The following GRM4 variants were observed in gnomAD, a reference collection of about 807,000 sequenced individuals.
GRM4 encodes glutamate metabotropic receptor 4.
Under a neutral mutation model 81.7 loss-of-function variants are expected in GRM4, and 28 were observed. The ratio of observed to expected loss-of-function variants is 0.34; its 90% CI spans 0.25 to 0.47. GRM4 has a LOEUF of 0.47. Among genes scored for constraint, GRM4 ranks in the 20% least tolerant of loss-of-function variants. The pLI is 1.00. For missense variants in GRM4, 948 were observed against 1,290.0 expected (o/e 0.73, Z 4.06); for synonymous variants, 488 against 528.8 (o/e 0.92, Z 1.06).
At position 34,121,808 on chromosome 6, in the gene GRM4, A is replaced by G. The variant is rs1175851056; in HGVS notation, c.519+11170T>C. On this transcript the variant is annotated intron_variant, in intron 2 of 10. Coordinates refer to ENST00000538487, the MANE Select transcript of GRM4 (RefSeq NM_000841.4). This position sits in a 1 kb window ranked among gnomAD's most constrained non-coding sequence, Gnocchi z 4.6. ...CAGCCTTCTCCTCACACATGGGCCCACTTTACAACACCTCCTGTTTCCTGA... is the reference window on the plus strand; with the variant it reads ...CAGCCTTCTCCTCACACATGGGCCCGCTTTACAACACCTCCTGTTTCCTGA... Among the ~76,000 whole-genome samples the G allele has an allele frequency of 2.6e-5, 4 of 152,126 alleles. No individual in the cohort carries two copies. In the East Asian group the frequency reaches 5.8e-4, roughly 22 times the overall value.
chr6:34,040,156 C>T (rs1764927184), intron 8 of GRM4, 22 bp downstream of exon 8: 1 of 1,611,432 alleles, frequency 6.2e-7, no homozygotes, highest in African/African-American at 1.3e-5. Flanking sequence ...ACTCTCCACC[C>T]ACTCCCTGCC....
At chr6:34,079,580 T>C (rs1767479818) in intron 3 of GRM4, among the ~76,000 whole-genome samples, 1 of 152,172 alleles carries the variant, frequency 6.6e-6, no homozygotes. Context: ...ACTTCACAGA[T>C]GAGGCCCCAC....
In GRM4 at chr6:34,121,433, C is replaced by T. The variant is rs1347454971; in HGVS notation, c.519+11545G>A. ...AGGTTAATGCTGCCCATCCTCCCCTCGGCCACAACCCCAGGGACAGAGAAC... is the reference window on the plus strand; with the variant it reads ...AGGTTAATGCTGCCCATCCTCCCCTTGGCCACAACCCCAGGGACAGAGAAC... On this transcript the variant is annotated intron_variant, in intron 2 of 10. Coordinates refer to ENST00000538487, the MANE Select transcript of GRM4 (RefSeq NM_000841.4). This position sits in a 1 kb window ranked among gnomAD's most constrained non-coding sequence, Gnocchi z 4.6. Among the ~76,000 whole-genome samples the T allele has an allele frequency of 6.6e-6, 1 of 152,228 alleles. No homozygotes were observed. The highest frequency in any genetic ancestry group is 2.4e-5 in the African/African-American group (1 of 41,462).
At chr6:34,097,359 C>T (rs1333519143) in intron 2 of GRM4, among the ~76,000 whole-genome samples, 2 of 151,794 alleles carry the variant, frequency 1.3e-5, no homozygotes, top group Non-Finnish European at 2.9e-5. Flanking sequence ...TGTGTGTGAA[C>T]ATGTATGCAT....
chr6:34,055,572 T>C (rs945311533), intron 6 of GRM4: 21 of 152,170 alleles, frequency 1.4e-4, no homozygotes, highest in African/African-American at 4.3e-4. Context: ...TAACTCATCA[T>C]CCTCGATTAG....
At chr6:34,138,586 CG>C (rs1005529510) in intron 1 of GRM4, among the ~76,000 whole-genome samples, 1 of 152,196 alleles carries the variant, frequency 6.6e-6, no homozygotes, top group African/African-American at 2.4e-5. Context: ...GCTATCCATC[CG>C]GGCCCCCACT....
Position 34,092,629 on chromosome 6 carries a change from C to G in GRM4, c.520-530G>C, listed in dbSNP as rs1027142047. Among the ~76,000 whole-genome samples, 5 of 152,116 alleles carry G rather than the reference C, an allele frequency of 3.3e-5. No individual in the cohort carries two copies. The highest frequency in any genetic ancestry group is 6.5e-5 in the Admixed American group (1 of 15,286). ...CCTCGATTCCAGCTCCCCTGTCCCC[C>G]ACTCCAACCCCAAGGATGGAAGCCC... On this transcript the variant is annotated intron_variant, in intron 2 of 10. Coordinates refer to ENST00000538487, the MANE Select transcript of GRM4 (RefSeq NM_000841.4). This position sits in a 1 kb window ranked among gnomAD's most constrained non-coding sequence, Gnocchi z 6.8.
intron 3 of GRM4, among the ~76,000 whole-genome samples, chr6:34,073,452 G>C (rs536118553): frequency 1.3e-5 from 2 of 148,626 alleles, no homozygotes; most frequent in African/African-American, 5.0e-5. Context: ...ACCACACACA[G>C]AAACACATCC....
intron 4 of GRM4, chr6:34,061,097 A>C (rs1766156296): frequency 6.6e-6 from 1 of 152,266 alleles, no homozygotes; most frequent in Non-Finnish European, 1.5e-5. Context: ...TGGTCCAGTG[A>C]GGGGGAGTCT....
rs112246268 is a variant in GRM4 at position 34,069,770 on chromosome 6, GC to G, written c.737-7743del. ...TGGATTTACTGCAACATCCAGGACT[GC>G]CCCAGTCCCCACCAGGATCCACCCA... On this transcript the variant is annotated intron_variant, in intron 3 of 10. Transcript: ENST00000538487. The surrounding 1 kb of genome is among the most constrained non-coding windows in gnomAD (Gnocchi z 6.4). Among the ~76,000 whole-genome samples, 28 of 152,018 alleles carry G rather than the reference GC, an allele frequency of 1.8e-4. No homozygotes were observed. Among genetic ancestry groups the G allele is most frequent in the African/African-American group, 6.8e-4 (28 of 41,464 alleles).
At chr6:34,135,312 A>T (rs1393519188) in intron 1 of GRM4, among the ~76,000 whole-genome samples, 1 of 151,986 alleles carries the variant, frequency 6.6e-6, no homozygotes, top group Non-Finnish European at 1.5e-5. Context: ...AGCCTTCTAG[A>T]CCCTCATTTC....
rs1056091481 is a variant in GRM4, at chr6:34,042,516, G to A, written c.1169-1768C>T. 6.6e-6 allele frequency among the ~76,000 whole-genome samples: 1 copy of A among 152,158 alleles called. No individual in the cohort carries two copies. The highest frequency in any genetic ancestry group is 1.5e-5 in the Non-Finnish European group (1 of 68,016). On this transcript the variant is annotated intron_variant, in intron 6 of 10. Coordinates refer to ENST00000538487, the MANE Select transcript of GRM4 (RefSeq NM_000841.4). The surrounding 1 kb of genome is among the most constrained non-coding windows in gnomAD (Gnocchi z 4.2). ...CCTGGATTCCCCTCCTAAGACCACA[G>A]CCCTTGCATACAGCATGGCCTTCTT...
intron 2 of GRM4, among the ~76,000 whole-genome samples, chr6:34,122,670 G>A (rs941872978): frequency 2.0e-4 from 31 of 152,164 alleles, no homozygotes; most frequent in African/African-American, 6.0e-4. Flanking sequence ...CCCCTGCTGC[G>A]GGCACCATCC....
intron 1 of GRM4, among the ~76,000 whole-genome samples, chr6:34,151,656 G>C (rs1771048615): frequency 6.6e-6 from 1 of 152,094 alleles, no homozygotes. Flanking sequence ...TGCCCTGGGA[G>C]GCCAGTGTCC....
intron 2 of GRM4, among the ~76,000 whole-genome samples, chr6:34,119,853 T>A (rs1769735476): frequency 1.3e-5 from 2 of 152,124 alleles, no homozygotes; most frequent in Admixed American, 1.3e-4. Context: ...GGGGGCAGAA[T>A]GCGGGAGCCA....
intron 3 of GRM4, among the ~76,000 whole-genome samples, chr6:34,076,479 A>C (rs1290568591): frequency 6.6e-6 from 1 of 152,172 alleles, no homozygotes; most frequent in Admixed American, 6.5e-5. Flanking sequence ...CCAGCACTGG[A>C]TATAACCAGA....
At chr6:34,084,419 C>T (rs2127480864) in intron 3 of GRM4, among the ~76,000 whole-genome samples, 1 of 152,220 alleles carries the variant, frequency 6.6e-6, no homozygotes, top group South Asian at 2.1e-4. Flanking sequence ...AGGGGCTTCC[C>T]AGGGAGCCTG....
Position 34,028,298 on chromosome 6 carries a change from G to A in GRM4, c.2511C>T (p.Leu837=). The A allele has an allele frequency of 3.1e-6, 5 of 1,613,550 alleles. No individual in the cohort carries two copies. Among genetic ancestry groups the A allele is most frequent in the Non-Finnish European group, 4.2e-6 (5 of 1,179,764 alleles). Residue 837 remains leucine, a synonymous_variant, in exon 10 of 11, where the codon CTC becomes CTT. Transcript: ENST00000538487. Reference sequence around the variant, plus strand: ...GGATGATGTAGACTTTGGGCATGTAGAGCATTCCCAGGGACACCGAGGCGC... The same window carrying A: ...GGATGATGTAGACTTTGGGCATGTAAAGCATTCCCAGGGACACCGAGGCGC... ...SLSASVSLGM[L]YMPKVYIILF...
chr6:34,035,208 C>T lies in GRM4; in HGVS notation c.2442+460G>A, dbSNP rs533699776. On this transcript the variant is annotated intron_variant, in intron 9 of 10. Coordinates refer to ENST00000538487, the MANE Select transcript of GRM4 (RefSeq NM_000841.4). This position sits in a 1 kb window ranked among gnomAD's most constrained non-coding sequence, Gnocchi z 6.6. Reference sequence around the variant, plus strand: ...GAAGAGTGAAGGAGGGTACAGCGCTCCAGGCTTATGGAGGGGGGAAGGGGT... The same window carrying T: ...GAAGAGTGAAGGAGGGTACAGCGCTTCAGGCTTATGGAGGGGGGAAGGGGT... Among the ~76,000 whole-genome samples, 2 of 149,494 alleles carry T rather than the reference C, an allele frequency of 1.3e-5. No individual in the cohort carries two copies. Among genetic ancestry groups the T allele is most frequent in the East Asian group, 3.9e-4 (2 of 5,092 alleles).
Sources: gnomAD v4.1 joint callset for allele counts (sites outside exome capture counted in the v4.1 genomes callset) on GRCh38, gnomAD v4.1.1 for gene constraint, Gnocchi (gnomAD v3.1) non-coding constraint, MANE v1.5 for transcripts, NCBI Gene and HGNC (gene_info 2026-07-23, HGNC 2026-07-21) for gene names.